Variants in TGFBR3 observed in about 807,000 individuals in gnomAD.
TGFBR3 encodes the protein transforming growth factor beta receptor type 3.
In TGFBR3, 46 loss-of-function variants were observed where a neutral mutation model predicts 87.9. The ratio of observed to expected loss-of-function variants is 0.52; its 90% CI spans 0.41 to 0.67. TGFBR3 has a LOEUF of 0.67. Ranked by LOEUF, TGFBR3 falls within the 30% of genes least tolerant of loss-of-function variation. The pLI is 0.00. For synonymous variants in TGFBR3, 381 were observed against 391.6 expected, an observed-to-expected ratio of 0.97 and a Z score of 0.32; for missense variants, 866 against 1,041.9, an observed-to-expected ratio of 0.83 and a Z score of 2.32.
chr1:91,721,688 G>A (rs541489350), intron 8 of TGFBR3, among the ~76,000 whole-genome samples: 30 of 152,182 alleles, frequency 2.0e-4, no homozygotes, highest in African/African-American at 7.0e-4. Flanking sequence ...AGGTGTCTCG[G>A]AGAGAAGAAC....
chr1:91,767,761 G>T (rs1473152659), intron 3 of TGFBR3, among the ~76,000 whole-genome samples: 2 of 151,220 alleles, frequency 1.3e-5, no homozygotes, highest in Non-Finnish European at 2.9e-5. Flanking sequence ...CTCTATAGCA[G>T]TAAGAGGCAG....
At chr1:91,890,546 A>G (rs1679423364), upstream of TGFBR3, among the ~76,000 whole-genome samples, 1 of 148,138 alleles carries the variant, frequency 6.8e-6, no homozygotes, top group African/African-American at 2.5e-5. Flanking sequence ...CAGCTTCCCG[A>G]GTAGCTGGGA....
chr1:91,729,740 GC>G, intron 6 of TGFBR3, 64 bp downstream of exon 6: 2 of 1,594,812 alleles, frequency 1.3e-6, no homozygotes, highest in Non-Finnish European at 1.7e-6. Flanking sequence ...ACCTCTCCCT[GC>G]CTCAAGTCAA....
At chr1:91,687,844 T>C (rs1488047471) in intron 16 of TGFBR3, among the ~76,000 whole-genome samples, 2 of 152,174 alleles carry the variant, frequency 1.3e-5, no homozygotes, top group Non-Finnish European at 2.9e-5. Context: ...GAAAACCATA[T>C]ACCTGGGGAC....
intron 7 of TGFBR3, among the ~76,000 whole-genome samples, chr1:91,725,553 T>C (rs887045070): frequency 2.0e-5 from 3 of 152,210 alleles, no homozygotes; most frequent in Non-Finnish European, 2.9e-5. Context: ...AGAACTTACA[T>C]GCGCAGGCCC....
chr1:91,821,328 CAAA>C (rs35313779), intron 2 of TGFBR3, among the ~76,000 whole-genome samples: 1,753 of 77,620 alleles, frequency 0.023, 31 homozygotes, highest in African/African-American at 0.077. Flanking sequence ...AAGACTGTCT[CAAA>C]AAAAAAAAAA....
At chr1:91,744,267 G>A (rs1443422981) in intron 4 of TGFBR3, among the ~76,000 whole-genome samples, 1 of 151,744 alleles carries the variant, frequency 6.6e-6, no homozygotes, top group Non-Finnish European at 1.5e-5. Flanking sequence ...TGTATTTTTA[G>A]TAGATATGGG....
intron 2 of TGFBR3, among the ~76,000 whole-genome samples, chr1:91,859,372 GT>G (rs958254958): frequency 7.5e-5 from 9 of 119,396 alleles, no homozygotes; most frequent in Admixed American, 2.4e-4. Context: ...AAAACAGCAT[GT>G]TTTCCATCAA....
intron 2 of TGFBR3, among the ~76,000 whole-genome samples, chr1:91,851,127 T>G (rs747933435): frequency 1.3e-5 from 2 of 152,164 alleles, no homozygotes; most frequent in African/African-American, 4.8e-5. Context: ...ATTTTCCACA[T>G]TACACTGTAG....
intron 2 of TGFBR3, among the ~76,000 whole-genome samples, chr1:91,860,109 A>G (rs1298532243): frequency 6.6e-6 from 1 of 152,140 alleles, no homozygotes; most frequent in Non-Finnish European, 1.5e-5. Context: ...TCTGAATGTA[A>G]AATCTGGCTC....
At chr1:91,887,790 C>T (rs980116826), upstream of TGFBR3, among the ~76,000 whole-genome samples, 8 of 152,050 alleles carry the variant, frequency 5.3e-5, no homozygotes, top group African/African-American at 1.9e-4. Flanking sequence ...CATTTTTTTC[C>T]TTACCAATAT....
At chr1:91,817,663 G>C (rs1280955963) in intron 2 of TGFBR3, among the ~76,000 whole-genome samples, 1 of 152,154 alleles carries the variant, frequency 6.6e-6, no homozygotes, top group Non-Finnish European at 1.5e-5. Flanking sequence ...CCCTGGCCTT[G>C]CCAGGACAAA....
At chr1:91,694,610 A>G (rs1432999815) in intron 16 of TGFBR3, among the ~76,000 whole-genome samples, 2 of 152,234 alleles carry the variant, frequency 1.3e-5, no homozygotes, top group Non-Finnish European at 2.9e-5. Flanking sequence ...ACTCTCCAAA[A>G]TATCCTTCAG....
intron 3 of TGFBR3, among the ~76,000 whole-genome samples, chr1:91,772,727 G>A (rs1674426661): frequency 6.6e-6 from 1 of 152,126 alleles, no homozygotes; most frequent in South Asian, 2.1e-4. Flanking sequence ...CATCTCTAAG[G>A]TGAAAACAAG....
At chr1:91,816,513 A>G (rs1207981479) in intron 2 of TGFBR3, among the ~76,000 whole-genome samples, 1 of 152,360 alleles carries the variant, frequency 6.6e-6, no homozygotes, top group East Asian at 1.9e-4. Context: ...TCTATGGTAC[A>G]CAGCTACAGT....
chr1:91,850,742 C>T (rs1028931113), intron 2 of TGFBR3, among the ~76,000 whole-genome samples: 2 of 145,694 alleles, frequency 1.4e-5, no homozygotes, highest in African/African-American at 5.2e-5. Context: ...GACTGCACTA[C>T]TGCACTCCAG....
intron 3 of TGFBR3, among the ~76,000 whole-genome samples, chr1:91,795,884 G>C (rs1675364078): frequency 1.3e-5 from 2 of 152,184 alleles, no homozygotes; most frequent in Non-Finnish European, 1.5e-5. Flanking sequence ...AAGGTTAGAT[G>C]ATCTGTCTTT....
chr1:91,756,291 T>C (rs1381682197), intron 4 of TGFBR3, among the ~76,000 whole-genome samples: 4 of 152,206 alleles, frequency 2.6e-5, no homozygotes, highest in Non-Finnish European at 5.9e-5. Context: ...AATGTGCATA[T>C]GACTTTATGA....
intron 3 of TGFBR3, 78 bp from the exon 4 acceptor site, chr1:91,758,828 C>G: frequency 1.3e-6 from 2 of 1,583,056 alleles, no homozygotes; most frequent in South Asian, 1.1e-5. Context: ...CTCTGGAATA[C>G]TTTTTTTGCA....
Sources: gnomAD v4.1 joint callset for allele counts (sites outside exome capture counted in the v4.1 genomes callset) on GRCh38, gnomAD v4.1.1 for gene constraint, MANE v1.5 for transcripts, NCBI Gene and HGNC (gene_info 2026-07-23, HGNC 2026-07-21) for gene names.